The following RAD54B variants were observed in gnomAD, a reference collection of about 807,000 sequenced individuals.
The protein encoded by RAD54B is RAD54 homolog B.
Under a neutral mutation model 95.8 loss-of-function variants are expected in RAD54B, and 78 were observed. The observed-to-expected ratio is 0.81, with a 90% CI of 0.68 to 0.98. RAD54B has a LOEUF of 0.98. Among genes scored for constraint, RAD54B ranks in the 50% least tolerant of loss-of-function variants. The probability of loss-of-function intolerance (pLI) is 0.00; values close to 1 mark genes in which losing one functional copy is unlikely to be tolerated. For synonymous variants in RAD54B, 328 were observed against 354.9 expected, an observed-to-expected ratio of 0.92 and a Z score of 0.85; for missense variants, 957 against 1,056.6, an observed-to-expected ratio of 0.91 and a Z score of 1.31.
rs189698301 is a variant in RAD54B at position 94,442,514 on chromosome 8, G to A, written c.304+15754C>T. 5.1e-3 allele frequency among the ~76,000 whole-genome samples: 776 copies of A among 151,122 alleles called. 12 individuals carry two copies. The highest frequency in any genetic ancestry group is 0.018 in the African/African-American group (750 of 41,070). ...GGCGTGAACCCGGGAGGCGGAGCTT[G>A]CAGTGAGCCGAGATCGCGCCACCGC... On this transcript the variant is annotated intron_variant, in intron 3 of 14. Transcript: ENST00000336148.
chr8:94,461,040 G>A (rs965946345), intron 2 of RAD54B, among the ~76,000 whole-genome samples: 6 of 151,514 alleles, frequency 4.0e-5, no homozygotes, highest in Non-Finnish European at 7.4e-5. Context: ...CCAGTGATTA[G>A]GACATGAACA....
At chr8:94,383,326 G>C (rs1187773171) in intron 11 of RAD54B, among the ~76,000 whole-genome samples, 2 of 147,900 alleles carry the variant, frequency 1.4e-5, no homozygotes, top group African/African-American at 5.0e-5. Context: ...CAGCTATGTA[G>C]CAAGATTAGA....
At chr8:94,373,285 G>C (rs928702789) in intron 14 of RAD54B, among the ~76,000 whole-genome samples, 1 of 152,232 alleles carries the variant, frequency 6.6e-6, no homozygotes, top group Non-Finnish European at 1.5e-5. Context: ...TCAAGGGCTG[G>C]ATTATGCAAA....
intron 1 of RAD54B, among the ~76,000 whole-genome samples, chr8:94,473,200 A>G (rs1055536639): frequency 3.3e-5 from 5 of 152,208 alleles, no homozygotes; most frequent in African/African-American, 1.2e-4. Context: ...CCCAGGTCCT[A>G]GAAATAAAGC....
intron 14 of RAD54B, chr8:94,373,024 A>G (rs1586111767): frequency 1.3e-5 from 2 of 152,260 alleles, no homozygotes; most frequent in Non-Finnish European, 2.9e-5. Flanking sequence ...ATGACAAGAG[A>G]GGCTGACTTG....
At chr8:94,437,052 CT>C (rs376009930) in intron 3 of RAD54B, 2 of 1,263,270 alleles carry the variant, frequency 1.6e-6, no homozygotes, top group African/African-American at 3.0e-5. Flanking sequence ...AGGAAATCTG[CT>C]TAAGCCAAGC....
At chr8:94,380,692 C>T (rs1214280420) in intron 11 of RAD54B, among the ~76,000 whole-genome samples, 1 of 152,166 alleles carries the variant, frequency 6.6e-6, no homozygotes, top group Non-Finnish European at 1.5e-5. Flanking sequence ...TGAACAGAAA[C>T]TAACTCTGAA....
At chr8:94,452,073 T>C (rs995202691) in intron 3 of RAD54B, among the ~76,000 whole-genome samples, 13 of 152,206 alleles carry the variant, frequency 8.5e-5, no homozygotes, top group Non-Finnish European at 1.5e-4. Context: ...GGTTCATAGA[T>C]GGCACTGTCT....
intron 11 of RAD54B, among the ~76,000 whole-genome samples, chr8:94,380,752 T>C (rs1810719441): frequency 6.6e-6 from 1 of 152,196 alleles, no homozygotes; most frequent in Non-Finnish European, 1.5e-5. Context: ...CTTAGGAGTA[T>C]ACATAAGGTG....
At chr8:94,385,597 C>G (rs985822797) in intron 11 of RAD54B, among the ~76,000 whole-genome samples, 12 of 152,042 alleles carry the variant, frequency 7.9e-5, no homozygotes, top group Admixed American at 7.2e-4. Context: ...AGAGCTGAGT[C>G]TTGTTGTTGT....
intron 5 of RAD54B, among the ~76,000 whole-genome samples, chr8:94,406,183 G>C (rs1358870620): frequency 6.6e-6 from 1 of 151,924 alleles, no homozygotes; most frequent in Non-Finnish European, 1.5e-5. Flanking sequence ...GTGGTTATTA[G>C]GACCCACGTT....
intron 5 of RAD54B, among the ~76,000 whole-genome samples, chr8:94,406,179 A>G (rs1811385595): frequency 6.6e-6 from 1 of 152,140 alleles, no homozygotes; most frequent in Non-Finnish European, 1.5e-5. Flanking sequence ...TACGGTGGTT[A>G]TTAGGACCCA....
intron 3 of RAD54B, among the ~76,000 whole-genome samples, chr8:94,444,491 A>C (rs1462242795): frequency 6.6e-6 from 1 of 152,226 alleles, no homozygotes; most frequent in African/African-American, 2.4e-5. Context: ...AAAAAGAATA[A>C]GGTGGATCTA....
At chr8:94,419,747 C>CAA (rs36042247) in intron 3 of RAD54B, among the ~76,000 whole-genome samples, 23 of 70,298 alleles carry the variant, frequency 3.3e-4, no homozygotes, top group East Asian at 1.3e-3. Context: ...TGGCCCCCAC[C>CAA]AAAAAAAAAA....
intron 3 of RAD54B, chr8:94,432,793 A>G: frequency 8.7e-7 from 1 of 1,148,312 alleles, no homozygotes; most frequent in Non-Finnish European, 1.1e-6. Context: ...AAAAAATCTT[A>G]AACACTTGAA....
intron 9 of RAD54B, among the ~76,000 whole-genome samples, chr8:94,392,635 C>T (rs1586131142): frequency 6.6e-6 from 1 of 150,872 alleles, no homozygotes; most frequent in Admixed American, 6.6e-5. Context: ...CTCACTCTGT[C>T]GCCCAGGGCT....
chr8:94,373,279 G>T (rs1323665386), intron 14 of RAD54B, among the ~76,000 whole-genome samples: 1 of 152,220 alleles, frequency 6.6e-6, no homozygotes, highest in Non-Finnish European at 1.5e-5. Context: ...AAGTATTCAA[G>T]GGCTGGATTA....
At chr8:94,372,538 A>G (rs1019968511) in intron 14 of RAD54B, 151 bp from the exon 15 acceptor site, 114 of 1,381,384 alleles carry the variant, frequency 8.3e-5, no homozygotes, top group Non-Finnish European at 1.4e-5. Flanking sequence ...TTTTACAAAC[A>G]TTTATAAGTT....
intron 2 of RAD54B, among the ~76,000 whole-genome samples, chr8:94,462,254 G>A (rs1812924714): frequency 6.6e-6 from 1 of 152,122 alleles, no homozygotes; most frequent in Admixed American, 6.5e-5. Flanking sequence ...GTCTGCCAAA[G>A]TATTTTTCCC....
Sources: allele counts gnomAD v4.1 joint callset (sites outside exome capture counted in the v4.1 genomes callset), GRCh38; gene constraint gnomAD v4.1.1; transcripts MANE v1.5; gene names NCBI Gene and HGNC (gene_info 2026-07-23, HGNC 2026-07-21).